TLR5: variants seen among roughly 807,000 people sequenced by gnomAD.
TLR5 encodes toll-like receptor 5.
For missense variants in TLR5, 944 were observed against 999.8 expected, an observed-to-expected ratio of 0.94 and a Z score of 0.75; for synonymous variants, 373 against 384.4, an observed-to-expected ratio of 0.97 and a Z score of 0.35.
intron 3 of TLR5, among the ~76,000 whole-genome samples, 183 bp from the exon 4 acceptor site, chr1:223,135,047 G>A (rs5744146): frequency 2.6e-4 from 40 of 152,276 alleles, no homozygotes; most frequent in African/African-American, 7.5e-4. Flanking sequence ...TGTTCTGAGA[G>A]GGATGTGTAG....
chr1:223,130,405 T>C (rs995893288), intron 5 of TLR5, among the ~76,000 whole-genome samples: 1 of 152,204 alleles, frequency 6.6e-6, no homozygotes, highest in Admixed American at 6.5e-5. Flanking sequence ...TTGGCAAATA[T>C]CTGCTGAATG....
chr1:223,115,383 T>C (rs985253339), intron 5 of TLR5, among the ~76,000 whole-genome samples: 1 of 152,124 alleles, frequency 6.6e-6, no homozygotes, highest in Non-Finnish European at 1.5e-5. Flanking sequence ...CTGAGTAGCT[T>C]GGATTAGAAA....
rs942753782 is a variant in TLR5 at position 223,137,205 on chromosome 1, G to T, written c.-380C>A. The stretch of plus-strand genomic sequence containing the variant: ...GGTTTGGTGACTGTGGAGAAGCCAC[G>T]TTGTCAGTAGCATCAGGAGTATGAA... On this transcript the variant is annotated 5_prime_UTR_variant, in exon 3 of 6. Coordinates refer to ENST00000642603, the MANE Select transcript of TLR5 (RefSeq NM_003268.6). 2 of 152,218 alleles carry T rather than the reference G, an allele frequency of 1.3e-5. No individual in the cohort carries two copies. Among genetic ancestry groups the T allele is most frequent in the Non-Finnish European group, 2.9e-5 (2 of 68,056 alleles). 9.4% of individuals were successfully genotyped at this position (152,218 alleles called of 1,614,324 possible).
chr1:223,113,224 G>A (rs1656460945), intron 5 of TLR5, among the ~76,000 whole-genome samples, 189 bp from the exon 6 acceptor site: 1 of 151,958 alleles, frequency 6.6e-6, no homozygotes, highest in Non-Finnish European at 1.5e-5. Context: ...TGTTTTTTTT[G>A]AGACAGGGTC....
chr1:223,117,076 G>A lies in TLR5; in HGVS notation c.-4-4041C>T, dbSNP rs552162451. On this transcript the variant is annotated intron_variant, in intron 5 of 5. Transcript: ENST00000642603. ...CACCACAGGGGGACTCGGGTATGGC[G>A]GGCTGCAGGTCCCGAGCCCTGCCCT... Among the ~76,000 whole-genome samples the A allele has an allele frequency of 7.2e-3, 1,097 of 152,266 alleles. 17 individuals are homozygous for A. The highest frequency in any genetic ancestry group is 0.024 in the African/African-American group (1,001 of 41,556).
At chr1:223,133,154 G>C (rs1305170775) in intron 4 of TLR5, among the ~76,000 whole-genome samples, 1 of 152,118 alleles carries the variant, frequency 6.6e-6, no homozygotes, top group Non-Finnish European at 1.5e-5. Flanking sequence ...TCGGGTTTCG[G>C]GTGAACAATG....
At chr1:223,141,856 G>T (rs1228779659) in intron 1 of TLR5, 93 bp from the exon 2 acceptor site, 1 of 142,252 alleles carries the variant, frequency 7.0e-6, no homozygotes, top group Admixed American at 7.0e-5. Context: ...GAGAGAGAGA[G>T]AAAGAGAGAG....
chr1:223,136,205 G>A (rs1215625825), intron 3 of TLR5, among the ~76,000 whole-genome samples: 1 of 152,188 alleles, frequency 6.6e-6, no homozygotes, highest in East Asian at 1.9e-4. Flanking sequence ...AGGAAGACAG[G>A]ACTCTGGCAG....
chr1:223,135,961 C>T (rs924479791), intron 3 of TLR5, among the ~76,000 whole-genome samples: 1 of 152,152 alleles, frequency 6.6e-6, no homozygotes, highest in African/African-American at 2.4e-5. Context: ...AGGCTCACCT[C>T]CACCTCTGTA....
chr1:223,142,402 A>G (rs1657916246), intron 1 of TLR5, among the ~76,000 whole-genome samples: 1 of 152,144 alleles, frequency 6.6e-6, no homozygotes, highest in Non-Finnish European at 1.5e-5. Context: ...AACACTAGGT[A>G]ACAACACCGC....
At chr1:223,117,157 C>T (rs886376873) in intron 5 of TLR5, among the ~76,000 whole-genome samples, 4 of 152,006 alleles carry the variant, frequency 2.6e-5, no homozygotes, top group Admixed American at 1.3e-4. Flanking sequence ...GCGGGGCCGG[C>T]AGTGCTGGGG....
chr1:223,136,515 C>T (rs1322586519), intron 3 of TLR5, among the ~76,000 whole-genome samples: 1 of 152,164 alleles, frequency 6.6e-6, no homozygotes, highest in Non-Finnish European at 1.5e-5. Context: ...TAGAGATTCA[C>T]ACTCACTACC....
At chr1:223,124,136 A>G (rs1657060532) in intron 5 of TLR5, among the ~76,000 whole-genome samples, 1 of 152,218 alleles carries the variant, frequency 6.6e-6, no homozygotes, top group Non-Finnish European at 1.5e-5. Flanking sequence ...TTGAAAACTT[A>G]ACAGTGGCCT....
chr1:223,116,029 C>G (rs992370138), intron 5 of TLR5, among the ~76,000 whole-genome samples: 2 of 152,198 alleles, frequency 1.3e-5, no homozygotes, highest in Non-Finnish European at 2.9e-5. Flanking sequence ...ATCAGTGTTT[C>G]CCCAGCGAGA....
rs1006367487 is a variant in TLR5, at chr1:223,111,041, C to T, written c.1991G>A (p.Arg664Gln). The T allele has an allele frequency of 1.5e-5, 24 of 1,614,112 alleles. No individual in the cohort carries two copies. The highest frequency in any genetic ancestry group is 1.1e-4 in the South Asian group (10 of 91,066). The change falls in exon 6 of 6, where the codon CGG becomes CAG. Residue 664 changes from arginine to glutamine, a missense_variant. Coordinates refer to ENST00000642603, the MANE Select transcript of TLR5 (RefSeq NM_003268.6). ...CTTATAACAGATAAAACAGAAGCCC[C>T]GGAACTTTGTGACTGTGAGGATGGT... The part of the protein sequence containing the change: ...LMTILTVTKF[R>Q]GFCFICYKTA...
At position 223,139,978 on chromosome 1, in the gene TLR5, A is replaced by G. The variant is rs1243280251; in HGVS notation, c.-439+1670T>C. Among the ~76,000 whole-genome samples the G allele has an allele frequency of 3.9e-5, 6 of 152,334 alleles. No individual in the cohort carries two copies. In the East Asian group the frequency reaches 9.7e-4, roughly 25 times the overall value. On this transcript the variant is annotated intron_variant, in intron 2 of 5. Coordinates refer to ENST00000642603, the MANE Select transcript of TLR5 (RefSeq NM_003268.6). The stretch of plus-strand genomic sequence containing the variant: ...ACCAAATTCGGCTCAGGGGAGCCCT[A>G]TGTAAGTGAGACACAGCTCTGCTTC...
At chr1:223,141,812 TATATATATATAG>T (rs1230492495) in intron 1 of TLR5, 49 bp from the exon 2 acceptor site, 158 of 57,758 alleles carry the variant, frequency 2.7e-3, no homozygotes, top group African/African-American at 4.0e-3. Flanking sequence ...TATATATATA[TATATATATATAG>T]AGAGAGAGAG....
chr1:223,141,848 G>GAGAGAGAGAGAGAA (rs1553271506), intron 1 of TLR5, 85 bp from the exon 2 acceptor site: 41 of 135,320 alleles, frequency 3.0e-4, no homozygotes, highest in African/African-American at 4.4e-4. Flanking sequence ...GAGAGAGAGA[G>GAGAGAGAGAGAGAA]AGAGAGAGAA....
chr1:223,133,228 A>G (rs1171991033), intron 4 of TLR5, among the ~76,000 whole-genome samples: 1 of 152,180 alleles, frequency 6.6e-6, no homozygotes, highest in East Asian at 1.9e-4. Context: ...TAACTCAGAG[A>G]GGTTAAGCAC....
Sources: allele counts gnomAD v4.1 joint callset (sites outside exome capture counted in the v4.1 genomes callset), GRCh38; gene constraint gnomAD v4.1.1; transcripts MANE v1.5; gene names NCBI Gene and HGNC (gene_info 2026-07-23, HGNC 2026-07-21).